The following FCHO1 variants were observed in gnomAD, a reference collection of about 807,000 sequenced individuals.
FCHO1 encodes FCH and mu domain containing endocytic adaptor 1.
FCHO1 carries 45 observed loss-of-function variants against 114.4 expected under a neutral mutation model. That is an observed-to-expected ratio of 0.39 (90% CI 0.31 to 0.50). The LOEUF (loss-of-function observed/expected upper bound fraction) is 0.50. Ranked by LOEUF, FCHO1 falls within the 20% of genes least tolerant of loss-of-function variation. The pLI is 0.77. For missense variants in FCHO1, 1,042 were observed against 1,209.6 expected (o/e 0.86, Z 2.06); for synonymous variants, 480 against 488.9 (o/e 0.98, Z 0.24).
chr19:17,783,092 A>C lies in FCHO1; in HGVS notation c.2013A>C (p.Pro671=), dbSNP rs1471136075. The C allele has an allele frequency of 6.2e-6, 10 of 1,613,938 alleles. No homozygotes were observed. The highest frequency in any genetic ancestry group is 8.5e-6 in the Non-Finnish European group (10 of 1,179,984). ...AGIVRVFSGT[P]PPPVLSFRLV... ...TCGTGCGTGTGTTCAGCGGGACCCCACCACCACCTGTCCTCAGCTTCCGGC... is the reference window on the plus strand; with the variant it reads ...TCGTGCGTGTGTTCAGCGGGACCCCCCCACCACCTGTCCTCAGCTTCCGGC... The change falls in exon 24 of 29, where the codon CCA becomes CCC. Residue 671 remains proline (P), a synonymous_variant. Transcript: ENST00000596536.
At chr19:17,779,017 C>T in intron 20 of FCHO1, 133 bp downstream of exon 20, 1 of 965,800 alleles carries the variant, frequency 1.0e-6, no homozygotes, top group African/African-American at 1.7e-5. Flanking sequence ...CCCACCGTTG[C>T]AGGGACAACA....
intron 4 of FCHO1, among the ~76,000 whole-genome samples, chr19:17,760,047 CTTTT>C (rs66667915): frequency 2.8e-4 from 39 of 140,996 alleles, no homozygotes; most frequent in Non-Finnish European, 3.4e-4. Flanking sequence ...GTTTTGCCAT[CTTTT>C]TTTTTTTTTT....
intron 18 of FCHO1, 25 bp from the exon 19 acceptor site, chr19:17,778,112 G>A (rs1239326898): frequency 6.4e-7 from 1 of 1,574,598 alleles, no homozygotes; most frequent in South Asian, 1.1e-5. Context: ...AATAGAAGCA[G>A]CCCTCTTGGC....
At chr19:17,759,666 T>A (rs1436291623) in intron 4 of FCHO1, among the ~76,000 whole-genome samples, 1 of 151,778 alleles carries the variant, frequency 6.6e-6, no homozygotes, top group Non-Finnish European at 1.5e-5. Flanking sequence ...GGCGTGGTGG[T>A]TCACGCCTGT....
At chr19:17,761,969 TTTCATTCA>T (rs111716506) in intron 4 of FCHO1, among the ~76,000 whole-genome samples, 22 of 148,236 alleles carry the variant, frequency 1.5e-4, no homozygotes, top group South Asian at 4.3e-4. Context: ...TTTATTTTTA[TTTCATTCA>T]TTCATTCATT....
In FCHO1 at chr19:17,764,292, C is replaced by T. The variant is rs2087774153; in HGVS notation, c.120-83C>T. ...CTAACCTCAGGTGATCCGTCCGCCT[C>T]GGCCTCCCAGAGTGCTGGGATTACA... On this transcript the variant is annotated intron_variant, in intron 5 of 28. Coordinates refer to ENST00000596536, the MANE Select transcript of FCHO1 (RefSeq NM_015122.3). 35 of 1,386,106 alleles carry T rather than the reference C, an allele frequency of 2.5e-5. No homozygotes were observed. The South Asian group carries it at 3.7e-4, about 15-fold the overall frequency. 85.9% of individuals were successfully genotyped at this position (1,386,106 alleles called of 1,614,324 possible). A position where few individuals can be genotyped will look rare whatever the true frequency, so the allele number is the denominator to read the frequency against.
At chr19:17,782,223 G>A (rs928670195) in intron 23 of FCHO1, among the ~76,000 whole-genome samples, 3 of 151,912 alleles carry the variant, frequency 2.0e-5, no homozygotes, top group African/African-American at 7.3e-5. Context: ...TTTGTTTTGA[G>A]ACAGGGTCTC....
intron 4 of FCHO1, 116 bp downstream of exon 4, chr19:17,755,307 G>A: frequency 1.1e-6 from 1 of 941,894 alleles, no homozygotes; most frequent in South Asian, 1.6e-5. Flanking sequence ...GGATCTGCAA[G>A]GGATGGAAGT....
In FCHO1 at chr19:17,788,388, G is replaced by T; in HGVS notation, c.*82G>T. 1 of 1,064,706 alleles carries T rather than the reference G, an allele frequency of 9.4e-7. No individual in the cohort carries two copies. Among genetic ancestry groups the T allele is most frequent in the Non-Finnish European group, 1.4e-6 (1 of 701,120 alleles). The allele number at this position is 1,064,706 out of a possible 1,614,324, so 66.0% of individuals were successfully genotyped here. ...CCCTGCCCTCCTGCCGGACCCTGGG[G>T]CCTCCCACCCCAGCCTCCCTGAGGC... On this transcript the variant is annotated 3_prime_UTR_variant, in exon 29 of 29. Transcript: ENST00000596536.
In FCHO1 at chr19:17,776,626, C is replaced by CTCT. The variant is rs1568357788; in HGVS notation, c.1208-7_1208-5dup. On this transcript the variant is annotated splice_polypyrimidine_tract_variant and intron_variant, in intron 17 of 28. Coordinates refer to ENST00000596536, the MANE Select transcript of FCHO1 (RefSeq NM_015122.3). This position sits in a 1 kb window ranked among gnomAD's most constrained non-coding sequence, Gnocchi z 4.4. ...GACAAGAAGGCTGAAGGAGGTGCAT[C>CTCT]TCTTGTAGGGGACGCTGCTGGGAAA... The CTCT allele has an allele frequency of 4.3e-6, 7 of 1,613,764 alleles. No individual in the cohort carries two copies. The highest frequency in any genetic ancestry group is 5.9e-6 in the Non-Finnish European group (7 of 1,179,918).
upstream of FCHO1, among the ~76,000 whole-genome samples, chr19:17,748,042 C>T (rs1015617413): frequency 6.6e-6 from 1 of 152,234 alleles, no homozygotes; most frequent in Admixed American, 6.5e-5. Context: ...CCCCCGTCTC[C>T]TGGCCTAGAA....
rs575553293 is a variant in FCHO1, at chr19:17,755,787, C to G, written c.27+596C>G. Among the ~76,000 whole-genome samples the G allele has an allele frequency of 4.3e-4, 66 of 152,262 alleles. 1 individual carries two copies. Among genetic ancestry groups the G allele is most frequent in the Admixed American group, 1.8e-3 (28 of 15,300 alleles). On this transcript the variant is annotated intron_variant, in intron 4 of 28. Transcript: ENST00000596536. ...CAGCCCCAGCCCCAAGGGAGGAGTCCCCAGTCTGGGGGACCCAGAGCCAGC... is the reference window on the plus strand; with the variant it reads ...CAGCCCCAGCCCCAAGGGAGGAGTCGCCAGTCTGGGGGACCCAGAGCCAGC...
intron 4 of FCHO1, among the ~76,000 whole-genome samples, chr19:17,759,482 T>C (rs1164970507): frequency 6.6e-6 from 1 of 151,528 alleles, no homozygotes; most frequent in Non-Finnish European, 1.5e-5. Flanking sequence ...CTCAGCCTCC[T>C]GAAGTGCTGG....
intron 4 of FCHO1, among the ~76,000 whole-genome samples, chr19:17,756,048 GA>G (rs1368362902): frequency 1.3e-5 from 2 of 152,208 alleles, no homozygotes; most frequent in East Asian, 1.9e-4. Flanking sequence ...GACCAGGTCA[GA>G]AAGCCCCTTC....
chr19:17,777,160 G>A (rs540652638), intron 18 of FCHO1, among the ~76,000 whole-genome samples: 32 of 152,220 alleles, frequency 2.1e-4, no homozygotes, highest in Middle Eastern at 3.4e-3. Flanking sequence ...AGTGCCTGCT[G>A]TGTACCTGTG....
intron 7 of FCHO1, among the ~76,000 whole-genome samples, chr19:17,769,636 A>C: frequency 6.7e-6 from 1 of 150,130 alleles, no homozygotes. Context: ...CACACACAAA[A>C]CGGTGAGTTA....
At position 17,776,463 on chromosome 19, in the gene FCHO1, G is replaced by A. The variant is rs1378614693; in HGVS notation, c.1208-172G>A. Among the ~76,000 whole-genome samples, 1 of 152,220 alleles carries A rather than the reference G, an allele frequency of 6.6e-6. No homozygotes were observed. Among genetic ancestry groups the A allele is most frequent in the South Asian group, 2.1e-4 (1 of 4,832 alleles). On this transcript the variant is annotated intron_variant, in intron 17 of 28. Transcript: ENST00000596536. The surrounding 1 kb of genome is among the most constrained non-coding windows in gnomAD (Gnocchi z 4.4). ...CTGAAAGGGGTAGCTGGGGCCAGGA[G>A]AAGCTAGCATCTGGAGACAGGCTCG...
At chr19:17,772,811 C>G in intron 11 of FCHO1, 70 bp downstream of exon 11, 2 of 1,135,934 alleles carry the variant, frequency 1.8e-6, no homozygotes, top group Admixed American at 2.0e-5. Flanking sequence ...GCCACCATGC[C>G]CAGCTAATTT....
Position 17,775,983 on chromosome 19 carries a change from G to A in FCHO1, c.1004G>A (p.Ser335Asn), listed in dbSNP as rs113157048. Residue 335 changes from serine (S) to asparagine (N), a missense_variant and splice_region_variant, in exon 16 of 29, where the codon AGC becomes AAC. By Grantham distance (46) the Ser-to-Asn change is conservative. This residue lies in a region of FCHO1 where 450 missense variants were observed against 564.1 expected (regional missense o/e 0.80). Coordinates refer to ENST00000596536, the MANE Select transcript of FCHO1 (RefSeq NM_015122.3). The surrounding 1 kb of genome is among the most constrained non-coding windows in gnomAD (Gnocchi z 5.1). ...GGCTTGGACCTTGACTGCAGCCCAC[G>A]CACGGCCGAGCCCTCCCGTTTCTCG... ...FTVRPDVTQN[S>N]TAEPSRFSSS... The A allele has an allele frequency of 1.0e-5, 16 of 1,606,192 alleles. No individual in the cohort carries two copies. Among genetic ancestry groups the A allele is most frequent in the African/African-American group, 5.3e-5 (4 of 75,008 alleles).
Sources: gnomAD v4.1 joint callset for allele counts (sites outside exome capture counted in the v4.1 genomes callset) on GRCh38, gnomAD v4.1.1 for gene constraint, gnomAD v4.1.1 regional missense constraint, Gnocchi (gnomAD v3.1) non-coding constraint, MANE v1.5 for transcripts, NCBI Gene and HGNC (gene_info 2026-07-23, HGNC 2026-07-21) for gene names.